The following DR1 variants were observed in gnomAD, a reference collection of about 807,000 sequenced individuals.
DR1 encodes the protein down-regulator of transcription 1.
A neutral mutation model predicts 19.9 loss-of-function variants in DR1; 7 were observed. The observed-to-expected ratio is 0.35, with a 90% confidence interval of 0.20 to 0.66. The LOEUF (loss-of-function observed/expected upper bound fraction) is 0.66, where lower values mean the gene tolerates loss of function less well. Ranked by LOEUF, DR1 falls within the 30% of genes least tolerant of loss-of-function variation. The probability of loss-of-function intolerance (pLI) is 0.66; values close to 1 mark genes in which losing one functional copy is unlikely to be tolerated. For synonymous variants in DR1, 76 were observed against 72.5 expected, an observed-to-expected ratio of 1.05 and a Z score of -0.24; for missense variants, 98 against 203.7, an observed-to-expected ratio of 0.48 and a Z score of 3.16.
intron 1 of DR1, among the ~76,000 whole-genome samples, chr1:93,351,034 A>G (rs1384396261): frequency 6.6e-6 from 1 of 152,230 alleles, no homozygotes; most frequent in Admixed American, 6.5e-5. Flanking sequence ...ACCTAACTGT[A>G]TGTAAATGGT....
In DR1 at chr1:93,363,294, T is replaced by G. The variant is rs1295790715; in HGVS notation, c.*2655T>G. On this transcript the variant is annotated 3_prime_UTR_variant, in exon 3 of 3. Transcript: ENST00000370272. Reference sequence around the variant, plus strand: ...TAAATGTAATCATACATAATACACTTTTTTTCATTCATCATTTTTGTGAAT... The same window carrying G: ...TAAATGTAATCATACATAATACACTGTTTTTCATTCATCATTTTTGTGAAT... 6.6e-6 allele frequency: 1 copy of G among 152,232 alleles called. No homozygotes were observed. Among genetic ancestry groups the G allele is most frequent in the African/African-American group, 2.4e-5 (1 of 41,454 alleles). 9.4% of individuals were successfully genotyped at this position (152,232 alleles called of 1,614,324 possible). A position where few individuals can be genotyped will look rare whatever the true frequency, so the allele number is the denominator to read the frequency against.
chr1:93,360,660 A>G lies in DR1; in HGVS notation c.*21A>G, dbSNP rs779029076. Reference sequence around the variant, plus strand: ...TCTGAAATTCACCAGCTGAGTTTCTATTTCTTCTATAAATGTTTTTCCCTG... The same window carrying G: ...TCTGAAATTCACCAGCTGAGTTTCTGTTTCTTCTATAAATGTTTTTCCCTG... On this transcript the variant is annotated 3_prime_UTR_variant, in exon 3 of 3. Transcript: ENST00000370272. The G allele has an allele frequency of 8.2e-6, 13 of 1,579,978 alleles. No homozygotes were observed. The highest frequency in any genetic ancestry group is 2.0e-5 in the Admixed American group (1 of 50,326).
chr1:93,365,461 C>G lies in DR1; in HGVS notation c.*4822C>G, dbSNP rs573996125. ...CACTTGATGTCATTAGCACCACTCC[C>G]CACCCTACTTCCAGTTGTGACAACC... is the stretch of plus-strand genomic sequence containing the variant. On this transcript the variant is annotated 3_prime_UTR_variant, in exon 3 of 3. Coordinates refer to ENST00000370272, the MANE Select transcript of DR1 (RefSeq NM_001938.3). The G allele has an allele frequency of 1.3e-5, 2 of 152,622 alleles. No homozygotes were observed. The highest frequency in any genetic ancestry group is 4.8e-5 in the African/African-American group (2 of 41,548). 9.5% of individuals were successfully genotyped at this position (152,622 alleles called of 1,614,324 possible).
At chr1:93,348,172 G>A (rs1170081743) in intron 1 of DR1, among the ~76,000 whole-genome samples, 1 of 150,964 alleles carries the variant, frequency 6.6e-6, no homozygotes, top group Non-Finnish European at 1.5e-5. Context: ...AAAATCCCTA[G>A]GAAAAAGCAT....
chr1:93,354,538 T>C (rs1396246141), intron 2 of DR1, among the ~76,000 whole-genome samples: 1 of 152,178 alleles, frequency 6.6e-6, no homozygotes, highest in Non-Finnish European at 1.5e-5. Flanking sequence ...GAAAATGTCT[T>C]CTTCCTTGCT....
Position 93,346,537 on chromosome 1 carries a change from A to G in DR1, c.-109A>G. ...ATTTTCTGCACCCTCTTCGCAAAGC[A>G]CCCCCCGGGATCACTCTCCGAGGGC... On this transcript the variant is annotated 5_prime_UTR_variant, in exon 1 of 3. Transcript: ENST00000370272. 4 of 826,050 alleles carry G rather than the reference A, an allele frequency of 4.8e-6. No individual in the cohort carries two copies. The South Asian group carries it at 4.9e-5, about 10-fold the overall frequency. 51.2% of individuals were successfully genotyped at this position (826,050 alleles called of 1,614,324 possible).
intron 2 of DR1, among the ~76,000 whole-genome samples, chr1:93,354,300 A>T (rs552193976): frequency 1.6e-4 from 24 of 152,276 alleles, no homozygotes; most frequent in African/African-American, 5.8e-4. Context: ...ATTTCACTTG[A>T]TATTTTTTCA....
At chr1:93,358,020 T>C (rs901742069) in intron 2 of DR1, among the ~76,000 whole-genome samples, 2 of 152,158 alleles carry the variant, frequency 1.3e-5, no homozygotes, top group Non-Finnish European at 2.9e-5. Flanking sequence ...ACACCTGTAA[T>C]CATAGCACTT....
chr1:93,354,492 C>T (rs949863854), intron 2 of DR1, among the ~76,000 whole-genome samples: 4 of 151,948 alleles, frequency 2.6e-5, no homozygotes, highest in Admixed American at 2.6e-4. Context: ...GCATTTTAAT[C>T]TTAAAAAATA....
rs1313530951 is a variant in DR1 at position 93,361,512 on chromosome 1, A to G, written c.*873A>G. The G allele has an allele frequency of 6.6e-6, 1 of 152,540 alleles. No homozygotes were observed. Among genetic ancestry groups the G allele is most frequent in the East Asian group, 1.9e-4 (1 of 5,200 alleles). 9.4% of individuals were successfully genotyped at this position (152,540 alleles called of 1,614,324 possible). On this transcript the variant is annotated 3_prime_UTR_variant, in exon 3 of 3. Coordinates refer to ENST00000370272, the MANE Select transcript of DR1 (RefSeq NM_001938.3). The stretch of plus-strand genomic sequence containing the variant: ...CTCTTGGTTTAACTGAGGTTTATGA[A>G]TATTCAAACCTTTGCTGGGGGAAAG...
chr1:93,351,740 T>G (rs1666915231), intron 1 of DR1, among the ~76,000 whole-genome samples: 1 of 152,236 alleles, frequency 6.6e-6, no homozygotes. Flanking sequence ...TCGGCTGGCT[T>G]GGATATCCTT....
At chr1:93,348,031 T>C (rs957537937) in intron 1 of DR1, among the ~76,000 whole-genome samples, 1 of 152,172 alleles carries the variant, frequency 6.6e-6, no homozygotes, top group African/African-American at 2.4e-5. Context: ...AGAACACATC[T>C]GCTTATATTG....
chr1:93,359,469 A>C (rs1357492636), intron 2 of DR1, among the ~76,000 whole-genome samples: 1 of 152,234 alleles, frequency 6.6e-6, no homozygotes, highest in Non-Finnish European at 1.5e-5. Flanking sequence ...TAAATAGAGC[A>C]TAAAATATGG....
chr1:93,357,202 G>C (rs1666997365), intron 2 of DR1, among the ~76,000 whole-genome samples: 2 of 152,144 alleles, frequency 1.3e-5, no homozygotes, highest in Admixed American at 1.3e-4. Context: ...TGAAGTTTTT[G>C]TTTACTGTAA....
chr1:93,349,593 C>A (rs1666892927), intron 1 of DR1, among the ~76,000 whole-genome samples: 1 of 151,954 alleles, frequency 6.6e-6, no homozygotes, highest in African/African-American at 2.4e-5. Flanking sequence ...GGGTTGAGAA[C>A]CTTACATGAA....
At position 93,352,055 on chromosome 1, in the gene DR1, T is replaced by C. The variant is rs536288093; in HGVS notation, c.221-1853T>C. The stretch of plus-strand genomic sequence containing the variant: ...CCTACAACCCTAAAACTAATAACAA[T>C]ATGATATTTATTGCTTCATTTTTAA... On this transcript the variant is annotated intron_variant, in intron 1 of 2. Transcript: ENST00000370272. 3.9e-5 allele frequency among the ~76,000 whole-genome samples: 6 copies of C among 152,262 alleles called. No individual in the cohort carries two copies. The South Asian group carries it at 8.3e-4, about 21-fold the overall frequency.
rs143671353 is a variant in DR1 at position 93,357,079 on chromosome 1, G to A, written c.384+3008G>A. On this transcript the variant is annotated intron_variant, in intron 2 of 2. Transcript: ENST00000370272. Reference sequence around the variant, plus strand: ...GTTTTGAACTCTGGATATTCCTGCCGTAAAAGTAAATATGCTATTGTGTTA... The same window carrying A: ...GTTTTGAACTCTGGATATTCCTGCCATAAAAGTAAATATGCTATTGTGTTA... Among the ~76,000 whole-genome samples the A allele has an allele frequency of 6.9e-4, 105 of 152,214 alleles. No homozygotes were observed. The East Asian group carries it at 0.019, about 27-fold the overall frequency.
intron 1 of DR1, among the ~76,000 whole-genome samples, chr1:93,348,864 AT>A (rs1451259318): frequency 2.6e-5 from 4 of 152,020 alleles, no homozygotes; most frequent in African/African-American, 9.7e-5. Flanking sequence ...ATAATCTCAT[AT>A]TGCTTAATTA....
At chr1:93,357,555 T>C (rs1667003758) in intron 2 of DR1, among the ~76,000 whole-genome samples, 1 of 132,352 alleles carries the variant, frequency 7.6e-6, no homozygotes, top group African/African-American at 2.7e-5. Flanking sequence ...TGATCAGTGC[T>C]ACCATTTTTT....
Sources: gnomAD v4.1 joint callset for allele counts (sites outside exome capture counted in the v4.1 genomes callset) on GRCh38, gnomAD v4.1.1 for gene constraint, MANE v1.5 for transcripts, NCBI Gene and HGNC (gene_info 2026-07-23, HGNC 2026-07-21) for gene names.